NTRK3: variants seen among roughly 807,000 people sequenced by gnomAD.
NTRK3 encodes the protein NT-3 growth factor receptor.
A neutral mutation model predicts 91.7 loss-of-function variants in NTRK3; 24 were observed. That is an observed-to-expected ratio of 0.26 (90% CI 0.19 to 0.37). The LOEUF is 0.37. Among genes scored for constraint, NTRK3 ranks in the 10% least tolerant of loss-of-function variants. NTRK3 has a pLI of 1.00. For synonymous variants in NTRK3, 483 were observed against 404.0 expected (o/e 1.20, Z -2.34); for missense variants, 880 against 1,068.9 (o/e 0.82, Z 2.46).
chr15:88,184,107 T>C lies in NTRK3; in HGVS notation c.323+118A>G, dbSNP rs563146411. On this transcript the variant is annotated intron_variant, in intron 4 of 18. Transcript: ENST00000394480. ...TTGCCAACTCTACCAAAAGAAGACCTGGGGGAGAAAGCACGGATGGCAGTC... is the reference window on the plus strand; with the variant it reads ...TTGCCAACTCTACCAAAAGAAGACCCGGGGGAGAAAGCACGGATGGCAGTC... 59 of 991,942 alleles carry C rather than the reference T, an allele frequency of 5.9e-5. No individual in the cohort carries two copies. The African/African-American group carries it at 8.4e-4, about 14-fold the overall frequency. The allele number at this position is 991,942 out of a possible 1,614,324, so 61.4% of individuals were successfully genotyped here. A position where few individuals can be genotyped will look rare whatever the true frequency, so the allele number is the denominator to read the frequency against.
At chr15:88,058,505 TG>T (rs926977968) in intron 13 of NTRK3, among the ~76,000 whole-genome samples, 6 of 152,194 alleles carry the variant, frequency 3.9e-5, no homozygotes, top group Admixed American at 6.5e-5. Context: ...GTTCTGTCTG[TG>T]GGTCTCTCTC....
At chr15:88,007,338 A>G (rs1213660351) in intron 14 of NTRK3, among the ~76,000 whole-genome samples, 1 of 152,214 alleles carries the variant, frequency 6.6e-6, no homozygotes, top group African/African-American at 2.4e-5. Flanking sequence ...CCTGCTCACA[A>G]TACCATACTG....
At chr15:88,033,778 T>A (rs1472863988) in intron 13 of NTRK3, among the ~76,000 whole-genome samples, 1 of 152,186 alleles carries the variant, frequency 6.6e-6, no homozygotes, top group African/African-American at 2.4e-5. Context: ...GCATAAACTA[T>A]TTTCACTTTC....
At chr15:87,974,845 C>G (rs1387390065) in intron 14 of NTRK3, among the ~76,000 whole-genome samples, 2 of 152,110 alleles carry the variant, frequency 1.3e-5, no homozygotes, top group Non-Finnish European at 2.9e-5. Flanking sequence ...CCCTGAAGAC[C>G]CCTGAAAGAC....
chr15:87,964,592 G>A (rs1412416094), intron 14 of NTRK3, among the ~76,000 whole-genome samples: 1 of 152,058 alleles, frequency 6.6e-6, no homozygotes, highest in Non-Finnish European at 1.5e-5. Context: ...GCATAAACCA[G>A]TTTTCAAACA....
At chr15:88,052,153 T>C (rs1269346163) in intron 13 of NTRK3, among the ~76,000 whole-genome samples, 2 of 152,216 alleles carry the variant, frequency 1.3e-5, no homozygotes, top group Non-Finnish European at 2.9e-5. Flanking sequence ...AAATGTATTA[T>C]AGAATAAGTG....
chr15:87,976,594 A>G (rs2073736896), intron 14 of NTRK3, among the ~76,000 whole-genome samples: 1 of 152,150 alleles, frequency 6.6e-6, no homozygotes, highest in Non-Finnish European at 1.5e-5. Flanking sequence ...GAAGAGGGCA[A>G]GTTACAGGGA....
At chr15:88,160,030 G>A (rs376485478) in intron 5 of NTRK3, among the ~76,000 whole-genome samples, 4 of 150,618 alleles carry the variant, frequency 2.7e-5, no homozygotes, top group South Asian at 2.1e-4. Context: ...CCTAGAGGAC[G>A]ACAGAGGCTA....
At chr15:88,213,854 T>C (rs1194272278) in intron 3 of NTRK3, among the ~76,000 whole-genome samples, 2 of 151,902 alleles carry the variant, frequency 1.3e-5, no homozygotes, top group African/African-American at 2.4e-5. Context: ...ATAAGGCGGG[T>C]GGATCACCTG....
At chr15:87,908,585 G>C (rs2066908573) in intron 17 of NTRK3, 1 of 399,518 alleles carries the variant, frequency 2.5e-6, no homozygotes, top group Non-Finnish European at 4.4e-6. Context: ...TGAGGGGAGA[G>C]AGTGGGAAGG....
intron 13 of NTRK3, among the ~76,000 whole-genome samples, chr15:88,084,345 A>C (rs2048317562): frequency 6.6e-6 from 1 of 152,176 alleles, no homozygotes. Flanking sequence ...GGGTTAGGCT[A>C]GTTCAGGGTA....
At chr15:87,876,817 G>A in exon 19 of NTRK3, 1 of 1,198,036 alleles carries the variant, frequency 8.3e-7, no homozygotes, top group Non-Finnish European at 1.2e-6. Context: ...GCAGGCACTT[G>A]AGTTTATATG....
At chr15:88,007,424 A>G (rs533208552) in intron 14 of NTRK3, among the ~76,000 whole-genome samples, 3 of 152,296 alleles carry the variant, frequency 2.0e-5, no homozygotes, top group African/African-American at 7.2e-5. Flanking sequence ...GGGCCAGGAT[A>G]GGACAACCTT....
At chr15:88,100,684 G>A (rs1218396604) in intron 13 of NTRK3, among the ~76,000 whole-genome samples, 1 of 152,066 alleles carries the variant, frequency 6.6e-6, no homozygotes, top group Non-Finnish European at 1.5e-5. Context: ...GAATGCCTGG[G>A]GCTCTGTCCC....
chr15:88,084,472 G>A (rs576716419), intron 13 of NTRK3, among the ~76,000 whole-genome samples: 10 of 152,300 alleles, frequency 6.6e-5, no homozygotes, highest in East Asian at 1.9e-4. Flanking sequence ...TGGAAGCAGC[G>A]TCTTCACTCA....
intron 13 of NTRK3, among the ~76,000 whole-genome samples, chr15:88,044,251 G>GTTTT: frequency 9.1e-6 from 1 of 109,304 alleles, no homozygotes; most frequent in Non-Finnish European, 2.0e-5. Flanking sequence ...CCAAGTCTAT[G>GTTTT]TTCTTTTTTT....
rs754647979 is a variant in NTRK3, at chr15:87,880,443, G to A, written c.2134-15C>T. On this transcript the variant is annotated splice_polypyrimidine_tract_variant and intron_variant, in intron 17 of 18. Transcript: ENST00000394480. Reference sequence around the variant, plus strand: ...TGTCCTCCCACCTAAAAGGGGTTGAGATAGAGGCACACAGAGTGACCAGAT... The same window carrying A: ...TGTCCTCCCACCTAAAAGGGGTTGAAATAGAGGCACACAGAGTGACCAGAT... 1 of 1,613,600 alleles carries A rather than the reference G, an allele frequency of 6.2e-7. No individual in the cohort carries two copies. Among genetic ancestry groups the A allele is most frequent in the Non-Finnish European group, 8.5e-7 (1 of 1,179,768 alleles).
intron 3 of NTRK3, among the ~76,000 whole-genome samples, chr15:88,238,369 A>C (rs1165127045): frequency 6.6e-6 from 1 of 152,142 alleles, no homozygotes; most frequent in Admixed American, 6.5e-5. Context: ...TAAAGAAAAA[A>C]CAAAGGATCT....
chr15:87,962,185 A>G lies in NTRK3; in HGVS notation c.1586-21432T>C, dbSNP rs374392830. 3.3e-5 allele frequency among the ~76,000 whole-genome samples: 5 copies of G among 152,236 alleles called. No homozygotes were observed. In the East Asian group the frequency reaches 5.8e-4, roughly 18 times the overall value. Reference sequence around the variant, plus strand: ...CCTTCCCTGTTGCCATTGGATCTTGATCCCTAATATCATCACTTTATGCTT... The same window carrying G: ...CCTTCCCTGTTGCCATTGGATCTTGGTCCCTAATATCATCACTTTATGCTT... On this transcript the variant is annotated intron_variant, in intron 14 of 18. Transcript: ENST00000394480.
Sources: allele counts gnomAD v4.1 joint callset (sites outside exome capture counted in the v4.1 genomes callset), GRCh38; gene constraint gnomAD v4.1.1; transcripts MANE v1.5; gene names NCBI Gene and HGNC (gene_info 2026-07-23, HGNC 2026-07-21).